KIF26B: variants seen among roughly 807,000 people sequenced by gnomAD.
KIF26B encodes the protein kinesin-like protein KIF26B.
KIF26B carries 63 observed loss-of-function variants against 151.2 expected under a neutral mutation model. That is an observed-to-expected ratio of 0.42 (90% CI 0.34 to 0.51). The LOEUF is 0.51. Ranked by LOEUF, KIF26B falls within the 20% of genes least tolerant of loss-of-function variation. The pLI is 0.07. For missense variants in KIF26B, 2,813 were observed against 2,913.6 expected (o/e 0.97, Z 0.79); for synonymous variants, 1,357 against 1,262.1 (o/e 1.08, Z -1.59).
chr1:245,203,290 T>G (rs1669339714), intron 2 of KIF26B, among the ~76,000 whole-genome samples: 1 of 148,948 alleles, frequency 6.7e-6, no homozygotes, highest in Non-Finnish European at 1.5e-5. Flanking sequence ...AGGAAGCTGA[T>G]TTTGGCATCC....
chr1:245,515,412 G>A lies in KIF26B; in HGVS notation c.1167-25355G>A, dbSNP rs187212884. ...AAGCTCTGCCTTCGGTGTCAAGACCGGGCAGCACTCAATGAATGTTTCCCG... is the reference window on the plus strand; with the variant it reads ...AAGCTCTGCCTTCGGTGTCAAGACCAGGCAGCACTCAATGAATGTTTCCCG... On this transcript the variant is annotated intron_variant, in intron 4 of 14. Coordinates refer to ENST00000407071, the MANE Select transcript of KIF26B (RefSeq NM_018012.4). Among the ~76,000 whole-genome samples, 301 of 152,264 alleles carry A rather than the reference G, an allele frequency of 2.0e-3. 2 individuals carry two copies. Among genetic ancestry groups the A allele is most frequent in the African/African-American group, 7.0e-3 (291 of 41,536 alleles).
At chr1:245,231,039 T>C (rs1440041819) in intron 2 of KIF26B, among the ~76,000 whole-genome samples, 1 of 151,430 alleles carries the variant, frequency 6.6e-6, no homozygotes, top group Non-Finnish European at 1.5e-5. Flanking sequence ...TCCATTCAGA[T>C]TCTACTGAAA....
chr1:245,678,668 C>T (rs570283164), intron 10 of KIF26B, among the ~76,000 whole-genome samples: 3 of 152,090 alleles, frequency 2.0e-5, no homozygotes, highest in Admixed American at 6.5e-5. Context: ...TTGAGACCAT[C>T]GTGGCCAACA....
chr1:245,603,168 G>C (rs1371535280), intron 6 of KIF26B, among the ~76,000 whole-genome samples: 1 of 151,990 alleles, frequency 6.6e-6, no homozygotes, highest in Non-Finnish European at 1.5e-5. Flanking sequence ...GTTTCAGGGA[G>C]CTGATTAGAA....
At chr1:245,490,264 G>A (rs1212577608) in intron 4 of KIF26B, among the ~76,000 whole-genome samples, 1 of 151,050 alleles carries the variant, frequency 6.6e-6, no homozygotes, top group East Asian at 1.9e-4. Flanking sequence ...ATCCACGAGA[G>A]ACTTCTCCAT....
chr1:245,417,555 G>A (rs1674450812), intron 3 of KIF26B, among the ~76,000 whole-genome samples: 2 of 151,992 alleles, frequency 1.3e-5, no homozygotes, highest in African/African-American at 4.8e-5. Context: ...ATAGGCTTGG[G>A]AATTTGGTGT....
chr1:245,308,915 A>G (rs1671611709), intron 2 of KIF26B, among the ~76,000 whole-genome samples: 1 of 152,222 alleles, frequency 6.6e-6, no homozygotes, highest in Non-Finnish European at 1.5e-5. Flanking sequence ...TACAGACTGC[A>G]CCATGAGCTT....
chr1:245,483,320 C>A (rs1027050895), intron 4 of KIF26B, among the ~76,000 whole-genome samples: 9 of 151,844 alleles, frequency 5.9e-5, no homozygotes, highest in African/African-American at 2.2e-4. Flanking sequence ...TGTCCTCATG[C>A]ATAGATGAGG....
At chr1:245,596,711 T>C (rs1309128675) in intron 5 of KIF26B, among the ~76,000 whole-genome samples, 1 of 152,106 alleles carries the variant, frequency 6.6e-6, no homozygotes, top group African/African-American at 2.4e-5. Flanking sequence ...TCTGTCTCGT[T>C]GCTCTAATAT....
intron 2 of KIF26B, among the ~76,000 whole-genome samples, chr1:245,205,910 C>CT (rs1328766160): frequency 9.3e-4 from 106 of 113,820 alleles, no homozygotes; most frequent in South Asian, 3.6e-3. Flanking sequence ...ATTTAAAAAA[C>CT]TTTTTTTTAA....
intron 4 of KIF26B, among the ~76,000 whole-genome samples, chr1:245,522,381 G>T (rs145574975): frequency 6.6e-6 from 1 of 152,140 alleles, no homozygotes; most frequent in Admixed American, 6.5e-5. Context: ...TTGATTTTGC[G>T]CACATGCTCT....
chr1:245,418,722 A>G (rs1447636200), intron 3 of KIF26B, among the ~76,000 whole-genome samples: 8 of 152,180 alleles, frequency 5.3e-5, no homozygotes, highest in Non-Finnish European at 1.2e-4. Flanking sequence ...AGTAGACTGA[A>G]GATTTCAAGT....
intron 2 of KIF26B, among the ~76,000 whole-genome samples, chr1:245,230,191 T>A (rs1669966890): frequency 1.3e-5 from 2 of 149,746 alleles, no homozygotes; most frequent in Admixed American, 1.3e-4. Context: ...AACCCACACC[T>A]ACAGTGTAAC....
rs368258830 is a variant in KIF26B, at chr1:245,652,145, T to TGTGTGA, written c.2258+5866_2258+5867insTGTGAG. The stretch of plus-strand genomic sequence containing the variant: ...GTGTGTGTGTGTGTGTGTGTGTGTG[T>TGTGTGA]GAGAGAGACATATGCATATTTAACC... On this transcript the variant is annotated intron_variant, in intron 10 of 14. Transcript: ENST00000407071. 1.4e-3 allele frequency among the ~76,000 whole-genome samples: 199 copies of TGTGTGA among 142,746 alleles called. 1 individual carries two copies. The highest frequency in any genetic ancestry group is 4.7e-3 in the African/African-American group (173 of 36,450). 93.6% of individuals were successfully genotyped at this position (142,746 alleles called of 152,430 possible).
intron 12 of KIF26B, among the ~76,000 whole-genome samples, chr1:245,690,889 T>C (rs1319112446): frequency 6.6e-6 from 1 of 152,214 alleles, no homozygotes; most frequent in African/African-American, 2.4e-5. Flanking sequence ...TTCTGTGTCT[T>C]ATGGCCAGGG....
At chr1:245,419,524 T>C (rs1341189373) in intron 3 of KIF26B, 55 bp from the exon 4 acceptor site, 6 of 1,516,278 alleles carry the variant, frequency 4.0e-6, no homozygotes, top group African/African-American at 1.4e-5. Flanking sequence ...CTGTCAGTGG[T>C]CAGGAAAAGC....
chr1:245,551,191 G>C (rs1380110922), intron 5 of KIF26B, among the ~76,000 whole-genome samples: 1 of 152,078 alleles, frequency 6.6e-6, no homozygotes, highest in African/African-American at 2.4e-5. Flanking sequence ...GACCACATTA[G>C]CCACCATGCC....
Position 245,361,477 on chromosome 1 carries a change from G to A in KIF26B, c.466-5357G>A, listed in dbSNP as rs531398453. Among the ~76,000 whole-genome samples the A allele has an allele frequency of 3.3e-5, 5 of 152,278 alleles. No individual in the cohort carries two copies. The South Asian group carries it at 8.3e-4, about 25-fold the overall frequency. ...CATTCAGCGTGTTCACGTGCTCAGC[G>A]CGGTGTTCATGCCCGCACCATTGTG... On this transcript the variant is annotated intron_variant, in intron 2 of 14. Coordinates refer to ENST00000407071, the MANE Select transcript of KIF26B (RefSeq NM_018012.4).
intron 3 of KIF26B, among the ~76,000 whole-genome samples, chr1:245,394,684 CTTTCTTTTTTTTTTTT>C: frequency 8.0e-6 from 1 of 124,420 alleles, no homozygotes; most frequent in Admixed American, 7.8e-5. Flanking sequence ...AAGTTTTTTT[CTTTCTTTTTTTTTTTT>C]TTTTTTTGAG....
Sources: gnomAD v4.1 joint callset for allele counts (sites outside exome capture counted in the v4.1 genomes callset) on GRCh38, gnomAD v4.1.1 for gene constraint, MANE v1.5 for transcripts, NCBI Gene and HGNC (gene_info 2026-07-23, HGNC 2026-07-21) for gene names.